The following NRXN3 variants were observed in gnomAD, a reference collection of about 807,000 sequenced individuals.
The protein encoded by NRXN3 is neurexin III.
A neutral mutation model predicts 137.6 loss-of-function variants in NRXN3; 32 were observed. That is an observed-to-expected ratio of 0.23 (90% CI 0.18 to 0.31). NRXN3 has a LOEUF of 0.31. Among genes scored for constraint, NRXN3 ranks in the 10% least tolerant of loss-of-function variants. The pLI is 1.00. For missense variants in NRXN3, 1,574 were observed against 2,062.5 expected, an observed-to-expected ratio of 0.76 and a Z score of 4.59; for synonymous variants, 798 against 784.5, an observed-to-expected ratio of 1.02 and a Z score of -0.29.
intron 15 of NRXN3, among the ~76,000 whole-genome samples, chr14:79,375,318 A>G (rs1177721554): frequency 2.4e-5 from 3 of 122,850 alleles, no homozygotes; most frequent in African/African-American, 3.2e-5. Flanking sequence ...CCCTTTTTTC[A>G]TAGAACAAAA....
chr14:78,265,237 G>A (rs2071500692), intron 2 of NRXN3, among the ~76,000 whole-genome samples: 1 of 152,016 alleles, frequency 6.6e-6, no homozygotes, highest in Admixed American at 6.6e-5. Flanking sequence ...TTTTTTCAAG[G>A]TGCACCTGTT....
chr14:79,800,798 G>A (rs2099176176), intron 19 of NRXN3, among the ~76,000 whole-genome samples: 1 of 152,178 alleles, frequency 6.6e-6, no homozygotes, highest in South Asian at 2.1e-4. Context: ...ACTGCTAAAA[G>A]AAAGCCCTGG....
intron 15 of NRXN3, among the ~76,000 whole-genome samples, chr14:79,284,343 C>CAT (rs60596302): frequency 0.098 from 6,337 of 64,616 alleles, 475 homozygotes; most frequent in Non-Finnish European, 0.11. Flanking sequence ...ACTAAAAATA[C>CAT]ATATATATAT....
chr14:78,922,379 A>G (rs1012925720), intron 10 of NRXN3, among the ~76,000 whole-genome samples: 1 of 152,162 alleles, frequency 6.6e-6, no homozygotes, highest in African/African-American at 2.4e-5. Context: ...TTTTTGAATT[A>G]TTGTTATAGT....
At chr14:79,020,026 G>C in intron 15 of NRXN3, among the ~76,000 whole-genome samples, 1 of 152,048 alleles carries the variant, frequency 6.6e-6, no homozygotes, top group East Asian at 1.9e-4. Context: ...TGATGGTTTG[G>C]TCTTAAGAAA....
intron 15 of NRXN3, among the ~76,000 whole-genome samples, chr14:79,301,834 C>G (rs893645328): frequency 6.6e-6 from 1 of 151,818 alleles, no homozygotes; most frequent in Middle Eastern, 3.2e-3. Context: ...TTAAGGGATG[C>G]ATTTGTGGAC....
intron 20 of NRXN3, among the ~76,000 whole-genome samples, chr14:79,839,982 T>C (rs905933253): frequency 6.8e-6 from 1 of 147,354 alleles, no homozygotes; most frequent in African/African-American, 2.5e-5. Context: ...TATGTATGTA[T>C]GTATGTATGT....
intron 19 of NRXN3, among the ~76,000 whole-genome samples, chr14:79,716,846 T>C (rs2098825377): frequency 6.6e-6 from 1 of 152,176 alleles, no homozygotes. Context: ...ATTAAATTCA[T>C]TCGTTATCAT....
At chr14:78,874,669 A>AT (rs2152576240) in intron 10 of NRXN3, among the ~76,000 whole-genome samples, 1 of 152,092 alleles carries the variant, frequency 6.6e-6, no homozygotes, top group South Asian at 2.1e-4. Context: ...CCTCGTTTTC[A>AT]TTTTTCCCAT....
intron 15 of NRXN3, among the ~76,000 whole-genome samples, chr14:79,252,569 TG>T (rs1006183341): frequency 7.3e-6 from 1 of 137,670 alleles, no homozygotes; most frequent in Non-Finnish European, 1.6e-5. Flanking sequence ...GGATGTTTGT[TG>T]GGGGGGTGGT....
At chr14:79,481,129 A>T (rs573832986) in intron 16 of NRXN3, among the ~76,000 whole-genome samples, 329 of 141,736 alleles carry the variant, frequency 2.3e-3, no homozygotes, top group African/African-American at 7.8e-3. Flanking sequence ...TCCTCATGGT[A>T]CTTACATTCT....
intron 4 of NRXN3, among the ~76,000 whole-genome samples, chr14:78,384,019 A>G (rs1405061600): frequency 6.6e-6 from 1 of 152,200 alleles, no homozygotes; most frequent in African/African-American, 2.4e-5. Flanking sequence ...GTAAGGAGTA[A>G]TGGGTTCTCA....
Position 79,134,699 on chromosome 14 carries a change from T to C in NRXN3, c.3262+146558T>C, listed in dbSNP as rs2058036230. On this transcript the variant is annotated intron_variant, in intron 15 of 20. Coordinates refer to ENST00000335750, the MANE Select transcript of NRXN3 (RefSeq NM_001330195.2). ...TTTCTTCATTTTCAAATTATCCTTT[T>C]GAGGAAAATATAAAGGAGTAATCCC... 2.0e-5 allele frequency among the ~76,000 whole-genome samples: 3 copies of C among 152,196 alleles called. No homozygotes were observed. In the South Asian group the frequency reaches 6.2e-4, roughly 32 times the overall value.
chr14:78,524,983 TA>T (rs2096355541), intron 4 of NRXN3, among the ~76,000 whole-genome samples: 1 of 152,242 alleles, frequency 6.6e-6, no homozygotes, highest in Non-Finnish European at 1.5e-5. Context: ...CCGCTCGGCA[TA>T]ATCCTCTTAA....
At chr14:79,372,143 G>A (rs2094130898) in intron 15 of NRXN3, among the ~76,000 whole-genome samples, 1 of 152,074 alleles carries the variant, frequency 6.6e-6, no homozygotes, top group Admixed American at 6.6e-5. Flanking sequence ...CATAGAGAGT[G>A]TGTGAGAGAG....
At chr14:79,783,094 C>T (rs2099118941) in intron 19 of NRXN3, among the ~76,000 whole-genome samples, 4 of 152,164 alleles carry the variant, frequency 2.6e-5, no homozygotes, top group Admixed American at 1.3e-4. Flanking sequence ...AAAATGACTG[C>T]TGTGATAGCA....
chr14:79,765,951 T>C (rs974775489), intron 19 of NRXN3, among the ~76,000 whole-genome samples: 8 of 152,202 alleles, frequency 5.3e-5, no homozygotes, highest in East Asian at 1.9e-4. Flanking sequence ...CACATGTGCA[T>C]TGACATGTAA....
chr14:79,145,077 T>A (rs990263916), intron 15 of NRXN3, among the ~76,000 whole-genome samples: 1 of 152,106 alleles, frequency 6.6e-6, no homozygotes, highest in South Asian at 2.1e-4. Flanking sequence ...TTTAGATGAA[T>A]CATTTAAATG....
intron 10 of NRXN3, among the ~76,000 whole-genome samples, chr14:78,909,836 G>A (rs908892888): frequency 6.6e-6 from 1 of 152,068 alleles, no homozygotes; most frequent in Non-Finnish European, 1.5e-5. Flanking sequence ...AGTTCATGGA[G>A]TGCTTTTAGA....
Sources: gnomAD v4.1 joint callset for allele counts (sites outside exome capture counted in the v4.1 genomes callset) on GRCh38, gnomAD v4.1.1 for gene constraint, MANE v1.5 for transcripts, NCBI Gene and HGNC (gene_info 2026-07-23, HGNC 2026-07-21) for gene names.